NDUFS4: variants seen among roughly 807,000 people sequenced by gnomAD.
NDUFS4 encodes NADH:ubiquinone oxidoreductase subunit S4.
NDUFS4 carries 28 observed loss-of-function variants against 24.3 expected under a neutral mutation model. The observed-to-expected ratio is 1.15, with a 90% CI of 0.85 to 1.58. The LOEUF (loss-of-function observed/expected upper bound fraction) is 1.58, where lower values mean the gene tolerates loss of function less well. Among genes scored for constraint, NDUFS4 ranks in the 40% most tolerant of loss-of-function variants. The probability of loss-of-function intolerance (pLI) is 0.00; values close to 1 mark genes in which losing one functional copy is unlikely to be tolerated. For missense variants in NDUFS4, 223 were observed against 207.9 expected, an observed-to-expected ratio of 1.07 and a Z score of -0.45; for synonymous variants, 93 against 69.7, an observed-to-expected ratio of 1.34 and a Z score of -1.67.
At chr5:53,626,436 G>A (rs907479043) in intron 2 of NDUFS4, among the ~76,000 whole-genome samples, 1 of 152,154 alleles carries the variant, frequency 6.6e-6, no homozygotes, top group African/African-American at 2.4e-5. Context: ...TCTAGTTCTA[G>A]ATCCTTGAGG....
chr5:53,619,486 C>CAAAAAAA (rs70983366), intron 2 of NDUFS4, among the ~76,000 whole-genome samples: 6 of 49,078 alleles, frequency 1.2e-4, no homozygotes, highest in African/African-American at 4.3e-4. Flanking sequence ...GACTCTGTCT[C>CAAAAAAA]AAAAAAAAAA....
chr5:53,581,893 A>G (rs1180038916), intron 1 of NDUFS4, among the ~76,000 whole-genome samples: 1 of 152,198 alleles, frequency 6.6e-6, no homozygotes, highest in Non-Finnish European at 1.5e-5. Context: ...AGGCCCAAGC[A>G]TTTCTAATAT....
Position 53,646,314 on chromosome 5 carries a change from A to G in NDUFS4, c.259A>G (p.Met87Val), listed in dbSNP as rs758952048. ...GATCTTTGTTCCTGCTCGCAATAAC[A>G]TGCAGTCTGGAGTAAACAACACAAA... ...VRIFVPARNNMQSGVNNTKKW... is the reference protein window; with the variant it reads ...VRIFVPARNNVQSGVNNTKKW... The change falls in exon 3 of 5, where the codon ATG (methionine) becomes GTG (valine). Residue 87 changes from methionine to valine, a missense_variant. Physicochemically the swap from Met to Val is conservative, Grantham distance 21. Transcript: ENST00000296684. The G allele has an allele frequency of 1.1e-5, 18 of 1,613,620 alleles. No individual in the cohort carries two copies. Among genetic ancestry groups the G allele is most frequent in the East Asian group, 8.9e-5 (4 of 44,856 alleles).
chr5:53,623,858 A>G (rs1751132571), intron 2 of NDUFS4, among the ~76,000 whole-genome samples: 1 of 152,134 alleles, frequency 6.6e-6, no homozygotes, highest in Non-Finnish European at 1.5e-5. Flanking sequence ...AGCTGGGACT[A>G]CAGGCGTGCA....
intron 1 of NDUFS4, among the ~76,000 whole-genome samples, chr5:53,571,916 C>CT (rs1385567314): frequency 2.0e-5 from 3 of 152,250 alleles, no homozygotes; most frequent in Non-Finnish European, 2.9e-5. Context: ...CTAAAATATT[C>CT]TGGATACAAA....
chr5:53,644,430 A>G (rs961868437), intron 2 of NDUFS4, among the ~76,000 whole-genome samples: 1 of 152,126 alleles, frequency 6.6e-6, no homozygotes, highest in Non-Finnish European at 1.5e-5. Flanking sequence ...TAATCTAAAG[A>G]TATATAATAT....
At chr5:53,649,751 C>G (rs1213354664) in intron 3 of NDUFS4, among the ~76,000 whole-genome samples, 3 of 152,140 alleles carry the variant, frequency 2.0e-5, no homozygotes, top group African/African-American at 4.8e-5. Context: ...TGAGAAATCT[C>G]CATACTGTAT....
chr5:53,601,164 C>T (rs532605323), intron 1 of NDUFS4, among the ~76,000 whole-genome samples: 5 of 152,070 alleles, frequency 3.3e-5, no homozygotes, highest in African/African-American at 7.2e-5. Flanking sequence ...CTGCTACGCC[C>T]GGCTAATTTT....
At chr5:53,648,137 G>A (rs554983026) in intron 3 of NDUFS4, among the ~76,000 whole-genome samples, 1 of 152,268 alleles carries the variant, frequency 6.6e-6, no homozygotes, top group Non-Finnish European at 1.5e-5. Context: ...AGAGTCTTGA[G>A]CACTCACTGG....
At chr5:53,562,826 A>T (rs1377667448) in intron 1 of NDUFS4, among the ~76,000 whole-genome samples, 2 of 152,220 alleles carry the variant, frequency 1.3e-5, no homozygotes, top group Non-Finnish European at 2.9e-5. Flanking sequence ...TCTAAAATTC[A>T]TTTTATTGTA....
chr5:53,596,704 A>G (rs1369131917), intron 1 of NDUFS4, among the ~76,000 whole-genome samples: 2 of 152,218 alleles, frequency 1.3e-5, no homozygotes, highest in African/African-American at 4.8e-5. Flanking sequence ...ACTCTCAGTA[A>G]TATTTCCTTA....
chr5:53,570,497 A>G (rs530851194), intron 1 of NDUFS4, among the ~76,000 whole-genome samples: 1 of 152,152 alleles, frequency 6.6e-6, no homozygotes, highest in African/African-American at 2.4e-5. Flanking sequence ...GTGAATTATG[A>G]TTTTGTTTCT....
At chr5:53,566,937 C>T (rs1490616777) in intron 1 of NDUFS4, among the ~76,000 whole-genome samples, 2 of 151,310 alleles carry the variant, frequency 1.3e-5, no homozygotes, top group East Asian at 1.9e-4. Context: ...TGAACTCTGC[C>T]TCCCAGGTTC....
At chr5:53,619,418 C>T (rs369187020) in intron 2 of NDUFS4, among the ~76,000 whole-genome samples, 235 of 130,700 alleles carry the variant, frequency 1.8e-3, no homozygotes, top group Non-Finnish European at 2.4e-3. Flanking sequence ...ACCCAGAAGG[C>T]GGAGGTTGCA....
At chr5:53,651,648 T>G (rs1162119378) in intron 3 of NDUFS4, among the ~76,000 whole-genome samples, 1 of 152,112 alleles carries the variant, frequency 6.6e-6, no homozygotes, top group Non-Finnish European at 1.5e-5. Flanking sequence ...TGTTTTTTGC[T>G]GTGGGTCAAA....
chr5:53,648,600 C>T (rs1290249959), intron 3 of NDUFS4, among the ~76,000 whole-genome samples: 1 of 152,166 alleles, frequency 6.6e-6, no homozygotes, highest in Non-Finnish European at 1.5e-5. Context: ...TGGTCATATA[C>T]AGACAAAATC....
At chr5:53,630,730 C>T (rs182993222) in intron 2 of NDUFS4, among the ~76,000 whole-genome samples, 2 of 152,226 alleles carry the variant, frequency 1.3e-5, no homozygotes, top group East Asian at 3.9e-4. Flanking sequence ...TCAGCTCTAT[C>T]AGGTCATGTA....
chr5:53,679,247 A>C lies in NDUFS4; in HGVS notation c.425-3871A>C, dbSNP rs1280623782. ...GCCACAGAAAAACGGGAAGATAATA[A>C]ATTTTTTTTCCCTACACATCCTAAC... On this transcript the variant is annotated intron_variant, in intron 4 of 4. Coordinates refer to ENST00000296684, the MANE Select transcript of NDUFS4 (RefSeq NM_002495.4). Among the ~76,000 whole-genome samples the C allele has an allele frequency of 2.0e-5, 3 of 151,292 alleles. No individual in the cohort carries two copies. The East Asian group carries it at 5.9e-4, about 30-fold the overall frequency.
chr5:53,614,428 A>C (rs887038724), intron 2 of NDUFS4, among the ~76,000 whole-genome samples: 1 of 151,956 alleles, frequency 6.6e-6, no homozygotes, highest in Non-Finnish European at 1.5e-5. Context: ...TTGTTTAAGG[A>C]ACAAAAGATC....
Sources: allele counts gnomAD v4.1 joint callset (sites outside exome capture counted in the v4.1 genomes callset), GRCh38; gene constraint gnomAD v4.1.1; transcripts MANE v1.5; gene names NCBI Gene and HGNC (gene_info 2026-07-23, HGNC 2026-07-21).